SHISAL1: variants seen among roughly 807,000 people sequenced by gnomAD.
The protein encoded by SHISAL1 is shisa like 1.
In SHISAL1, 9 loss-of-function variants were observed where a neutral mutation model predicts 22.6. That is an observed-to-expected ratio of 0.40 (90% CI 0.24 to 0.70). The LOEUF (loss-of-function observed/expected upper bound fraction) is 0.70, where lower values mean the gene tolerates loss of function less well. Among genes scored for constraint, SHISAL1 ranks in the 30% least tolerant of loss-of-function variants. SHISAL1 has a pLI of 0.39. For missense variants in SHISAL1, 246 were observed against 270.6 expected (o/e 0.91, Z 0.64); for synonymous variants, 119 against 115.4 (o/e 1.03, Z -0.20).
intron 4 of SHISAL1, 111 bp downstream of exon 4, chr22:44,285,317 A>G: frequency 8.3e-7 from 1 of 1,201,796 alleles, no homozygotes; most frequent in Non-Finnish European, 1.2e-6. Flanking sequence ...AGATAAGCAA[A>G]CAATCAGGCA....
At chr22:44,257,850 A>C (rs920821496) in intron 4 of SHISAL1, among the ~76,000 whole-genome samples, 6 of 152,198 alleles carry the variant, frequency 3.9e-5, no homozygotes, top group Admixed American at 2.0e-4. Context: ...TCTTTTTAAA[A>C]AACTTTTAAG....
intron 4 of SHISAL1, among the ~76,000 whole-genome samples, chr22:44,265,332 C>T (rs1047215673): frequency 7.9e-5 from 12 of 152,186 alleles, no homozygotes; most frequent in African/African-American, 2.9e-4. Context: ...CTCTCTCTCC[C>T]AGAGCCCTCT....
intron 4 of SHISAL1, among the ~76,000 whole-genome samples, chr22:44,270,935 A>T (rs1046819104): frequency 6.6e-6 from 1 of 152,152 alleles, no homozygotes; most frequent in Non-Finnish European, 1.5e-5. Context: ...CTGGCTAGAG[A>T]AGCTGTGAGT....
chr22:44,322,575 C>G, the SHISAL1 span, among the ~76,000 whole-genome samples: 3 of 152,222 alleles, frequency 2.0e-5, no homozygotes, highest in African/African-American at 7.2e-5. Flanking sequence ...AATGTGTTAT[C>G]TTTGCAAGCC....
At chr22:44,331,109 C>T in the SHISAL1 span, among the ~76,000 whole-genome samples, 3 of 152,034 alleles carry the variant, frequency 2.0e-5, no homozygotes, top group African/African-American at 7.2e-5. This position sits in a 1 kb window ranked among gnomAD's most constrained non-coding sequence, Gnocchi z 5.2. Context: ...CGGCGCGGTG[C>T]GCCCCGAACT....
intron 1 of SHISAL1, among the ~76,000 whole-genome samples, chr22:44,311,212 C>T (rs2055515799): frequency 6.6e-6 from 1 of 152,204 alleles, no homozygotes; most frequent in Non-Finnish European, 1.5e-5. Context: ...TGGGCCCTCA[C>T]TGTCTCCCTA....
chr22:44,281,604 G>A lies in SHISAL1; in HGVS notation c.599+3824C>T, dbSNP rs559605042. ...TGCGAAGGAGACACCGTTAGGTGAC[G>A]AAGGCACTTTGTCGCAGGTGCGGTG... On this transcript the variant is annotated intron_variant, in intron 4 of 4. Transcript: ENST00000381176. Among the ~76,000 whole-genome samples, 5 of 152,300 alleles carry A rather than the reference G, an allele frequency of 3.3e-5. No individual in the cohort carries two copies. The South Asian group carries it at 8.3e-4, about 25-fold the overall frequency.
chr22:44,320,229 T>C, the SHISAL1 span, among the ~76,000 whole-genome samples: 1 of 152,190 alleles, frequency 6.6e-6, no homozygotes, highest in Non-Finnish European at 1.5e-5. Context: ...AGGACCTCCC[T>C]CAGGGTGCCT....
chr22:44,278,314 C>A (rs1035588733), intron 4 of SHISAL1, among the ~76,000 whole-genome samples: 1 of 152,218 alleles, frequency 6.6e-6, no homozygotes, highest in African/African-American at 2.4e-5. Flanking sequence ...TGCTCCTCAG[C>A]CTGCAGACAG....
In SHISAL1 at chr22:44,256,387, C is replaced by A. The variant is rs140722301; in HGVS notation, c.*-6702G>T. The stretch of plus-strand genomic sequence containing the variant: ...TTGCTAACCCAGACCTTTGGAATTC[C>A]TCAACCTGCATAGCTGCAGGAGCCA... On this transcript the variant is annotated intron_variant, in intron 4 of 4. Transcript: ENST00000381176. Among the ~76,000 whole-genome samples, 478 of 152,282 alleles carry A rather than the reference C, an allele frequency of 3.1e-3. 2 individuals are homozygous for A. The highest frequency in any genetic ancestry group is 0.011 in the African/African-American group (454 of 41,550).
intron 1 of SHISAL1, among the ~76,000 whole-genome samples, chr22:44,305,264 G>A: frequency 6.6e-6 from 1 of 152,214 alleles, no homozygotes. Flanking sequence ...TCGGGGCCAG[G>A]CCCTGGGCTG....
At chr22:44,271,011 C>T (rs1055390001) in intron 4 of SHISAL1, among the ~76,000 whole-genome samples, 5 of 152,162 alleles carry the variant, frequency 3.3e-5, no homozygotes, top group African/African-American at 9.6e-5. Flanking sequence ...CCTCTTTCCC[C>T]ACTCAGAGTG....
chr22:44,292,834 G>A (rs1219677602), intron 3 of SHISAL1, among the ~76,000 whole-genome samples: 5 of 152,222 alleles, frequency 3.3e-5, no homozygotes, highest in South Asian at 2.1e-4. Context: ...CCCCTGACCC[G>A]AATTCTTGAT....
At chr22:44,297,568 C>T (rs1330043186) in intron 2 of SHISAL1, among the ~76,000 whole-genome samples, 4 of 152,266 alleles carry the variant, frequency 2.6e-5, no homozygotes, top group Non-Finnish European at 4.4e-5. Context: ...CTCAGTCACC[C>T]CCACCTCACG....
At position 44,247,543 on chromosome 22, in the gene SHISAL1, A is replaced by G. The variant is rs530842609; in HGVS notation, c.*2142T>C. On this transcript the variant is annotated 3_prime_UTR_variant, in exon 5 of 5. Coordinates refer to ENST00000381176, the MANE Select transcript of SHISAL1 (RefSeq NM_001099294.2). ...ACTTTGCCAAGCCATATGCCTGGACACTGGCAGCACTGCCTGGAGGAGACA... is the reference window on the plus strand; with the variant it reads ...ACTTTGCCAAGCCATATGCCTGGACGCTGGCAGCACTGCCTGGAGGAGACA... 23 of 152,584 alleles carry G rather than the reference A, an allele frequency of 1.5e-4. No individual in the cohort carries two copies. The highest frequency in any genetic ancestry group is 5.3e-4 in the African/African-American group (22 of 41,588). 9.5% of individuals were successfully genotyped at this position (152,584 alleles called of 1,614,324 possible). A position where few individuals can be genotyped will look rare whatever the true frequency, so the allele number is the denominator to read the frequency against.
upstream of SHISAL1, among the ~76,000 whole-genome samples, chr22:44,313,961 G>C (rs1233554554): frequency 6.6e-6 from 1 of 152,180 alleles, no homozygotes; most frequent in African/African-American, 2.4e-5. Context: ...TGGGTGCCAC[G>C]ATGGGAAACC....
upstream of SHISAL1, among the ~76,000 whole-genome samples, chr22:44,313,794 C>T (rs957683147): frequency 6.6e-6 from 1 of 152,216 alleles, no homozygotes. Flanking sequence ...GGCCAGCCCT[C>T]CTCTGCCTCC....
At chr22:44,254,661 C>T (rs888717295) in intron 4 of SHISAL1, among the ~76,000 whole-genome samples, 15 of 152,152 alleles carry the variant, frequency 9.9e-5, no homozygotes, top group African/African-American at 3.6e-4. Context: ...CATAACTGGC[C>T]CCAACTACTT....
At chr22:44,329,760 G>A in the SHISAL1 span, among the ~76,000 whole-genome samples, 63,731 of 151,976 alleles carry the variant, frequency 0.42, 14,301 homozygotes, top group Non-Finnish European at 0.49. Context: ...GATGGGGAGC[G>A]ACCCCCCAAT....
Sources: gnomAD v4.1 joint callset for allele counts (sites outside exome capture counted in the v4.1 genomes callset) on GRCh38, gnomAD v4.1.1 for gene constraint, Gnocchi (gnomAD v3.1) non-coding constraint, MANE v1.5 for transcripts, NCBI Gene and HGNC (gene_info 2026-07-23, HGNC 2026-07-21) for gene names.